Variants in PCDH11X observed in about 807,000 individuals in gnomAD.
PCDH11X encodes protocadherin 11 X-linked.
Under a neutral mutation model 53.3 loss-of-function variants are expected in PCDH11X, and 18 were observed. The ratio of observed to expected loss-of-function variants is 0.34; its 90% CI spans 0.23 to 0.50. The LOEUF (loss-of-function observed/expected upper bound fraction) is 0.50. Among genes scored for constraint, PCDH11X ranks in the 20% least tolerant of loss-of-function variants. PCDH11X has a pLI of 0.98. For missense variants in PCDH11X, 570 were observed against 1,032.4 expected (o/e 0.55, Z 6.14); for synonymous variants, 279 against 393.3 (o/e 0.71, Z 3.44).
At chrX:92,374,552 T>TC (rs1254700776) in intron 8 of PCDH11X, among the ~76,000 whole-genome samples, 2 of 109,657 alleles carry the variant, frequency 1.8e-5, no homozygotes, top group African/African-American at 6.7e-5. Flanking sequence ...GTCTTTTTTT[T>TC]CCTCCTAACA....
intron 6 of PCDH11X, among the ~76,000 whole-genome samples, chrX:91,902,285 G>A (rs1198952282): frequency 9.1e-6 from 1 of 110,005 alleles, no homozygotes; most frequent in African/African-American, 3.3e-5. Flanking sequence ...CTACTCATAT[G>A]TCTCATGTAG....
chrX:92,366,073 T>A (rs752857840), intron 8 of PCDH11X, among the ~76,000 whole-genome samples: 28 of 110,013 alleles, frequency 2.5e-4, no homozygotes, highest in Non-Finnish European at 3.8e-4. Context: ...GGTTCCTTTT[T>A]GTACCTCTGG....
At chrX:92,294,526 T>C (rs1182569177) in intron 8 of PCDH11X, among the ~76,000 whole-genome samples, 2 of 112,444 alleles carry the variant, frequency 1.8e-5, no homozygotes, top group African/African-American at 3.2e-5. Context: ...TTCCAATCTA[T>C]CTTAATCTCC....
chrX:91,949,020 T>C (rs1422213235), intron 6 of PCDH11X, among the ~76,000 whole-genome samples: 1 of 110,424 alleles, frequency 9.1e-6, no homozygotes, highest in Non-Finnish European at 1.9e-5. Flanking sequence ...AGCAGAGGCC[T>C]CAGAGGAGCC....
chrX:91,795,383 C>T (rs1374996522), intron 1 of PCDH11X, among the ~76,000 whole-genome samples: 1 of 110,519 alleles, frequency 9.0e-6, no homozygotes, highest in Non-Finnish European at 1.9e-5. Context: ...TGTCCTGTCA[C>T]ATCTTTCACC....
intron 10 of PCDH11X, among the ~76,000 whole-genome samples, chrX:92,516,889 T>C (rs1361778899): frequency 8.9e-6 from 1 of 112,240 alleles, no homozygotes; most frequent in Non-Finnish European, 1.9e-5. Flanking sequence ...TCAGGACCAT[T>C]GTAGAGAAAA....
intron 10 of PCDH11X, among the ~76,000 whole-genome samples, chrX:92,617,453 A>G (rs1928103661): frequency 9.0e-6 from 1 of 111,522 alleles, no homozygotes; most frequent in African/African-American, 3.3e-5. Flanking sequence ...GTCTTCGTAG[A>G]GAATTGATCT....
At chrX:92,158,941 G>C (rs1354310414) in intron 6 of PCDH11X, among the ~76,000 whole-genome samples, 2 of 111,813 alleles carry the variant, frequency 1.8e-5, no homozygotes, top group Admixed American at 1.9e-4. Context: ...GCCTAGAATA[G>C]ATAACTTTTA....
intron 10 of PCDH11X, among the ~76,000 whole-genome samples, chrX:92,484,179 ATGTATATATATG>A: frequency 2.8e-5 from 1 of 35,230 alleles, no homozygotes; most frequent in Admixed American, 3.2e-4. Flanking sequence ...ATATATATGT[ATGTATATATATG>A]TATATATGTA....
At chrX:91,819,751 A>T (rs1322638226) in intron 4 of PCDH11X, among the ~76,000 whole-genome samples, 6 of 99,900 alleles carry the variant, frequency 6.0e-5, no homozygotes, top group South Asian at 4.9e-4. Flanking sequence ...TACATGTGCC[A>T]TGCTGGTGTG....
At chrX:92,178,790 A>G (rs1017283765) in intron 6 of PCDH11X, among the ~76,000 whole-genome samples, 3 of 111,985 alleles carry the variant, frequency 2.7e-5, no homozygotes, top group African/African-American at 9.7e-5. Context: ...TCATTTAACT[A>G]CACATCAAAC....
chrX:92,194,625 A>G (rs889584662), intron 6 of PCDH11X, among the ~76,000 whole-genome samples: 1 of 110,893 alleles, frequency 9.0e-6, no homozygotes, highest in Admixed American at 9.7e-5. Flanking sequence ...AATAAAATTG[A>G]TAAGCTAAGA....
chrX:91,976,116 G>A (rs1396536421), intron 6 of PCDH11X, among the ~76,000 whole-genome samples: 1 of 111,335 alleles, frequency 9.0e-6, no homozygotes, highest in African/African-American at 3.3e-5. Flanking sequence ...GCAGTGGTGC[G>A]ATCAGGGCTC....
chrX:92,204,124 A>G (rs2066437336), intron 7 of PCDH11X, among the ~76,000 whole-genome samples: 1 of 111,261 alleles, frequency 9.0e-6, no homozygotes, highest in African/African-American at 3.3e-5. Context: ...TTTCCCTCCT[A>G]GGTCTTGGTT....
chrX:92,506,220 T>TC lies in PCDH11X; in HGVS notation c.3367+37898_3367+37899insC, dbSNP rs1556458098. On this transcript the variant is annotated intron_variant, in intron 10 of 10. Coordinates refer to ENST00000682573, the MANE Select transcript of PCDH11X (RefSeq NM_032968.5). ...GGATACATTTTCTTTTCTTTTCTTT[T>TC]TTTTTTTTTTTTTTTTTTGCCTGAT... is the stretch of plus-strand genomic sequence containing the variant. 3.5e-3 allele frequency among the ~76,000 whole-genome samples: 259 copies of TC among 74,426 alleles called. 1 individual carries two copies. The highest frequency in any genetic ancestry group is 0.01 in the African/African-American group (220 of 21,020). The allele number at this position is 74,426 out of a possible 115,157, so 64.6% of individuals were successfully genotyped here.
chrX:92,124,027 G>A (rs1162318626), intron 6 of PCDH11X, among the ~76,000 whole-genome samples: 1 of 111,052 alleles, frequency 9.0e-6, no homozygotes, highest in Non-Finnish European at 1.9e-5. Context: ...TTCTGCCTAG[G>A]ACACTGCCAC....
At chrX:92,324,578 G>A (rs1439326481) in intron 8 of PCDH11X, among the ~76,000 whole-genome samples, 1 of 105,390 alleles carries the variant, frequency 9.5e-6, no homozygotes, top group Non-Finnish European at 1.9e-5. Flanking sequence ...ATTTATTGCA[G>A]AGTTAAGCTC....
intron 5 of PCDH11X, among the ~76,000 whole-genome samples, chrX:91,845,086 G>A (rs912387632): frequency 9.0e-6 from 1 of 111,450 alleles, no homozygotes; most frequent in Non-Finnish European, 1.9e-5. Flanking sequence ...ATGATTATAT[G>A]GATGAATTTT....
chrX:91,867,548 C>T (rs189804313), intron 5 of PCDH11X, among the ~76,000 whole-genome samples: 21 of 107,927 alleles, frequency 1.9e-4, no homozygotes, highest in African/African-American at 7.2e-4. Flanking sequence ...AATTCTGCCT[C>T]CCCCTAAATT....
Sources: allele counts gnomAD v4.1 joint callset (sites outside exome capture counted in the v4.1 genomes callset), GRCh38; gene constraint gnomAD v4.1.1; transcripts MANE v1.5; gene names NCBI Gene and HGNC (gene_info 2026-07-23, HGNC 2026-07-21).